NADSYN1: variants seen among roughly 807,000 people sequenced by gnomAD.
NADSYN1 encodes the protein NAD synthetase 1.
In NADSYN1, 80 loss-of-function variants were observed where a neutral mutation model predicts 99.3. The observed-to-expected ratio is 0.81, with a 90% CI of 0.67 to 0.97. The LOEUF (loss-of-function observed/expected upper bound fraction) is 0.97, where lower values mean the gene tolerates loss of function less well. Ranked by LOEUF, NADSYN1 falls within the 50% of genes least tolerant of loss-of-function variation. The pLI is 0.00. For missense variants in NADSYN1, 859 were observed against 948.5 expected, an observed-to-expected ratio of 0.91 and a Z score of 1.24; for synonymous variants, 385 against 372.1, an observed-to-expected ratio of 1.03 and a Z score of -0.40.
chr11:71,461,022 C>T (rs1314754230), intron 3 of NADSYN1: 1 of 152,234 alleles, frequency 6.6e-6, no homozygotes, highest in Non-Finnish European at 1.5e-5. Context: ...TTATAACACT[C>T]TTCAATAGTT....
At chr11:71,489,645 C>T (rs1041921506) in intron 16 of NADSYN1, among the ~76,000 whole-genome samples, 11 of 152,356 alleles carry the variant, frequency 7.2e-5, no homozygotes, top group Non-Finnish European at 1.6e-4. Flanking sequence ...GGACAGGGAG[C>T]GATGGGGTGA....
intron 18 of NADSYN1, among the ~76,000 whole-genome samples, chr11:71,495,875 G>A (rs528196106): frequency 2.4e-4 from 37 of 152,350 alleles, no homozygotes; most frequent in African/African-American, 7.7e-4. Context: ...AGGAATGAGA[G>A]GGAATGGGAG....
intron 10 of NADSYN1, 59 bp from the exon 11 acceptor site, chr11:71,480,696 G>A (rs1240081747): frequency 1.2e-6 from 2 of 1,610,802 alleles, no homozygotes; most frequent in East Asian, 2.2e-5. Context: ...GTCGGTCCTG[G>A]GGACCCAGAG....
chr11:71,484,048 C>T (rs1949726217), intron 14 of NADSYN1, among the ~76,000 whole-genome samples: 1 of 152,198 alleles, frequency 6.6e-6, no homozygotes, highest in Non-Finnish European at 1.5e-5. Context: ...CTGCATCTGT[C>T]ACTGTCAGAG....
At position 71,453,283 on chromosome 11, in the gene NADSYN1, CGACTGCGGCCAGGATGGGCCGGAAGGT is replaced by C; in HGVS notation, c.-10_17del. On this transcript the variant is annotated start_lost and 5_prime_UTR_variant, in exon 1 of 21. Coordinates refer to ENST00000319023, the MANE Select transcript of NADSYN1 (RefSeq NM_018161.5). ...GTCCCCCGCTGGCCTCCTGCCCAAG[CGACTGCGGCCAGGATGGGCCGGAAGGT>C]GACCGTGGCCACCTGCGCACTCAAC... The C allele has an allele frequency of 4.3e-6, 7 of 1,612,076 alleles. No homozygotes were observed. Among genetic ancestry groups the C allele is most frequent in the Non-Finnish European group, 5.9e-6 (7 of 1,178,800 alleles).
intron 5 of NADSYN1, among the ~76,000 whole-genome samples, chr11:71,468,298 A>T (rs1949606380): frequency 6.6e-6 from 1 of 152,242 alleles, no homozygotes; most frequent in Non-Finnish European, 1.5e-5. Context: ...AAATTTGTGG[A>T]TACGTGTCAA....
Position 71,497,539 on chromosome 11 carries a change from G to A in NADSYN1, c.1821G>A (p.Val607=). 6.2e-7 allele frequency: 1 copy of A among 1,614,170 alleles called. No homozygotes were observed. Among genetic ancestry groups the A allele is most frequent in the South Asian group, 1.1e-5 (1 of 91,082 alleles). ...CGGTCTATGGGAAACTCAGGAAGGTGGCCAAGATGGGGCCCTACAGCATGT... is the reference window on the plus strand; with the variant it reads ...CGGTCTATGGGAAACTCAGGAAGGTAGCCAAGATGGGGCCCTACAGCATGT... The part of the protein sequence containing the change: ...ELSVYGKLRK[V]AKMGPYSMFC... The change falls in exon 19 of 21, where the codon GTG becomes GTA. Residue 607 remains valine (V), a synonymous_variant. Coordinates refer to ENST00000319023, the MANE Select transcript of NADSYN1 (RefSeq NM_018161.5).
intron 1 of NADSYN1, 77 bp downstream of exon 1, chr11:71,453,458 G>A: frequency 7.4e-7 from 1 of 1,344,764 alleles, no homozygotes; most frequent in South Asian, 1.2e-5. Context: ...TGCCCGTGGC[G>A]TGCTCACAGC....
At chr11:71,498,583 T>C in intron 20 of NADSYN1, 55 bp downstream of exon 20, 2 of 1,583,494 alleles carry the variant, frequency 1.3e-6, no homozygotes, top group Middle Eastern at 1.7e-4. Context: ...AGAAGAAACG[T>C]GAGGTTATTT....
chr11:71,498,220 C>A, intron 19 of NADSYN1, 132 bp from the exon 20 acceptor site: 1 of 1,025,828 alleles, frequency 9.7e-7, no homozygotes, highest in Non-Finnish European at 1.4e-6. Context: ...ATCCCCCACA[C>A]CTGCCATCGT....
chr11:71,468,302 G>C (rs117537210), intron 5 of NADSYN1, among the ~76,000 whole-genome samples: 1 of 152,198 alleles, frequency 6.6e-6, no homozygotes, highest in East Asian at 1.9e-4. Flanking sequence ...TTGTGGATAC[G>C]TGTCAACAAA....
At chr11:71,468,127 G>A (rs186227830) in intron 5 of NADSYN1, among the ~76,000 whole-genome samples, 32 of 152,254 alleles carry the variant, frequency 2.1e-4, no homozygotes, top group South Asian at 1.0e-3. Flanking sequence ...CATCCTTTAA[G>A]AACAAGGACA....
rs533497363 is a variant in NADSYN1, at chr11:71,497,588, A to C, written c.1870A>C (p.Arg624=). The change falls in exon 19 of 21, where the codon AGA becomes CGA. Residue 624 remains arginine, a synonymous_variant. Coordinates refer to ENST00000319023, the MANE Select transcript of NADSYN1 (RefSeq NM_018161.5). ...SMFCKLLGMW[R]HICTPRQVAD... Reference sequence around the variant, plus strand: ...GTTCTGCAAACTCCTCGGCATGTGGAGACACATCTGCACCCCGAGACAGGT... The same window carrying C: ...GTTCTGCAAACTCCTCGGCATGTGGCGACACATCTGCACCCCGAGACAGGT... The C allele has an allele frequency of 1.1e-5, 17 of 1,614,010 alleles. No homozygotes were observed. The African/African-American group carries it at 1.1e-4, about 10-fold the overall frequency.
At chr11:71,493,498 T>G (rs1177820741) in intron 18 of NADSYN1, among the ~76,000 whole-genome samples, 1 of 152,180 alleles carries the variant, frequency 6.6e-6, no homozygotes, top group East Asian at 1.9e-4. Context: ...CTGCCAGGCC[T>G]GATGATCCTA....
At chr11:71,464,930 T>A (rs1476032090) in intron 5 of NADSYN1, among the ~76,000 whole-genome samples, 1 of 144,368 alleles carries the variant, frequency 6.9e-6, no homozygotes, top group Non-Finnish European at 1.5e-5. Context: ...TTCTAGGAAG[T>A]GCTTAGGTTC....
chr11:71,501,532 T>G lies in NADSYN1; in HGVS notation c.*180T>G, dbSNP rs1002871506. The G allele has an allele frequency of 3.4e-6, 2 of 596,128 alleles. No individual in the cohort carries two copies. The highest frequency in any genetic ancestry group is 2.9e-6 in the Non-Finnish European group (1 of 344,780). The allele number at this position is 596,128 out of a possible 1,614,324, so 36.9% of individuals were successfully genotyped here. ...AAAGAGGCTGGAATAAAGCCTGGGC[T>G]TAAAAAGAGGCTGGAATCCAATGCA... On this transcript the variant is annotated 3_prime_UTR_variant, in exon 21 of 21. Transcript: ENST00000319023.
intron 12 of NADSYN1, 136 bp downstream of exon 12, chr11:71,481,540 T>A: frequency 1.1e-6 from 1 of 910,252 alleles, no homozygotes. Flanking sequence ...TCTGCCTCCA[T>A]GGGGAGCTTA....
At chr11:71,470,395 T>G (rs1949619183) in intron 5 of NADSYN1, among the ~76,000 whole-genome samples, 1 of 152,250 alleles carries the variant, frequency 6.6e-6, no homozygotes, top group South Asian at 2.1e-4. Flanking sequence ...CGGGGAGCAC[T>G]TCCAAGGAGA....
At chr11:71,501,168 G>A in intron 20 of NADSYN1, 134 bp from the exon 21 acceptor site, 1 of 783,196 alleles carries the variant, frequency 1.3e-6, no homozygotes, top group Non-Finnish European at 1.9e-6. Context: ...CACACGCCCA[G>A]CATCTGGTGG....
Sources: allele counts gnomAD v4.1 joint callset (sites outside exome capture counted in the v4.1 genomes callset), GRCh38; gene constraint gnomAD v4.1.1; transcripts MANE v1.5; gene names NCBI Gene and HGNC (gene_info 2026-07-23, HGNC 2026-07-21).